Variants in HELZ observed in about 807,000 individuals in gnomAD.
HELZ encodes ATP-dependent RNA helicase with zinc finger domain.
Under a neutral mutation model 218.2 loss-of-function variants are expected in HELZ, and 23 were observed. The ratio of observed to expected loss-of-function variants is 0.11; its 90% CI spans 0.08 to 0.15. The LOEUF (loss-of-function observed/expected upper bound fraction) is 0.15, where lower values mean the gene tolerates loss of function less well. Ranked by LOEUF, HELZ falls within the 10% of genes least tolerant of loss-of-function variation. HELZ has a pLI of 1.00. For missense variants in HELZ, 1,813 were observed against 2,353.7 expected, an observed-to-expected ratio of 0.77 and a Z score of 4.75; for synonymous variants, 814 against 829.4, an observed-to-expected ratio of 0.98 and a Z score of 0.32.
chr17:67,215,315 TA>T (rs756173054), intron 5 of HELZ, among the ~76,000 whole-genome samples: 5 of 151,602 alleles, frequency 3.3e-5, no homozygotes, highest in Non-Finnish European at 7.4e-5. Context: ...TTATGTTTCT[TA>T]AACTTTGGCC....
chr17:67,135,983 T>A lies in HELZ; in HGVS notation c.3169A>T (p.Ile1057Phe), dbSNP rs184561121. Residue 1057 changes from isoleucine (I) to phenylalanine (F), a missense_variant, in exon 23 of 33, where the codon ATT (isoleucine) becomes TTT (phenylalanine). Physicochemically the swap from Ile to Phe is conservative, Grantham distance 21 (BLOSUM62 0). Coordinates refer to ENST00000358691, the MANE Select transcript of HELZ (RefSeq NM_014877.4). ...ACACATAATTACCTGCATCTTCCAA[T>A]AGAGCACAGAGCAATGGGATCACCC... ...VVGDPIALCSIGRCRKFWERF... is the reference protein window; with the variant it reads ...VVGDPIALCSFGRCRKFWERF... 1 of 1,612,786 alleles carries A rather than the reference T, an allele frequency of 6.2e-7. No homozygotes were observed. Among genetic ancestry groups the A allele is most frequent in the Admixed American group, 1.7e-5 (1 of 59,904 alleles).
chr17:67,188,141 T>A lies in HELZ; in HGVS notation c.1162+178A>T. The A allele has an allele frequency of 1.7e-6, 1 of 577,676 alleles. No individual in the cohort carries two copies. Among genetic ancestry groups the A allele is most frequent in the Non-Finnish European group, 2.9e-6 (1 of 342,808 alleles). 35.8% of individuals were successfully genotyped at this position (577,676 alleles called of 1,614,324 possible). A position where few individuals can be genotyped will look rare whatever the true frequency, so the allele number is the denominator to read the frequency against. On this transcript the variant is annotated intron_variant, in intron 12 of 32. Transcript: ENST00000358691. This position sits in a 1 kb window ranked among gnomAD's most constrained non-coding sequence, Gnocchi z 4.1. ...TTTACCTGGTGGCTCTGTGAAGAAA[T>A]CAGGGCACAGTGTGAATCATTATAA...
At position 67,108,355 on chromosome 17, in the gene HELZ, G is replaced by C; in HGVS notation, c.4724+137C>G. 1 of 668,484 alleles carries C rather than the reference G, an allele frequency of 1.5e-6. No individual in the cohort carries two copies. Among genetic ancestry groups the C allele is most frequent in the Non-Finnish European group, 2.7e-6 (1 of 376,016 alleles). The allele number at this position is 668,484 out of a possible 1,614,324, so 41.4% of individuals were successfully genotyped here. A position where few individuals can be genotyped will look rare whatever the true frequency, so the allele number is the denominator to read the frequency against. On this transcript the variant is annotated intron_variant, in intron 30 of 32. Coordinates refer to ENST00000358691, the MANE Select transcript of HELZ (RefSeq NM_014877.4). This position sits in a 1 kb window ranked among gnomAD's most constrained non-coding sequence, Gnocchi z 4.1. ...GTATTTTAGAGTCAACAAGAGAACTGTGTAGCGTGTGCTTGGAAGGCCAGC... is the reference window on the plus strand; with the variant it reads ...GTATTTTAGAGTCAACAAGAGAACTCTGTAGCGTGTGCTTGGAAGGCCAGC...
chr17:67,163,703 A>G (rs1189209442), intron 15 of HELZ, among the ~76,000 whole-genome samples: 1 of 149,544 alleles, frequency 6.7e-6, no homozygotes, highest in Non-Finnish European at 1.5e-5. Flanking sequence ...CACCCAACCT[A>G]TTTATTTCTT....
Position 67,124,132 on chromosome 17 carries a change from T to C in HELZ, c.3388-118A>G, listed in dbSNP as rs148984107. The C allele has an allele frequency of 8.4e-3, 5,541 of 663,148 alleles. 57 individuals are homozygous for C. Among genetic ancestry groups the C allele is most frequent in the Middle Eastern group, 8.0e-3 (19 of 2,380 alleles). The allele number at this position is 663,148 out of a possible 1,614,324, so 41.1% of individuals were successfully genotyped here. A position where few individuals can be genotyped will look rare whatever the true frequency, so the allele number is the denominator to read the frequency against. On this transcript the variant is annotated intron_variant, in intron 24 of 32. Coordinates refer to ENST00000358691, the MANE Select transcript of HELZ (RefSeq NM_014877.4). ...ACATCAATAATTAAAATCTAAAAAC[T>C]GTGAGTCTATAATTAATAACCATTA...
chr17:67,117,612 T>C (rs2037466867), intron 27 of HELZ, among the ~76,000 whole-genome samples: 1 of 150,734 alleles, frequency 6.6e-6, no homozygotes, highest in Non-Finnish European at 1.5e-5. Flanking sequence ...TGCAGTGGTG[T>C]GATCTCGGCT....
intron 32 of HELZ, among the ~76,000 whole-genome samples, chr17:67,082,194 T>C (rs541779838): frequency 6.6e-6 from 1 of 152,350 alleles, no homozygotes; most frequent in African/African-American, 2.4e-5. Flanking sequence ...TTTCTGTTTC[T>C]TGCAATCAGA....
At chr17:67,245,974 CCGGGG>C (rs920018558), upstream of HELZ, 11 of 152,310 alleles carry the variant, frequency 7.2e-5, no homozygotes, top group African/African-American at 2.4e-4. Flanking sequence ...GGCAGGTAAT[CCGGGG>C]CGCCGGCTGC....
intron 1 of HELZ, 132 bp downstream of exon 1, chr17:67,245,016 G>A (rs1028332201): frequency 3.0e-6 from 3 of 985,116 alleles, no homozygotes; most frequent in Non-Finnish European, 3.6e-6. Context: ...GGCCGCCCAG[G>A]CCCCCAGCCT....
intron 21 of HELZ, among the ~76,000 whole-genome samples, chr17:67,143,271 T>C (rs374276751): frequency 2.4e-4 from 37 of 152,234 alleles, no homozygotes; most frequent in African/African-American, 8.9e-4. Context: ...CTTACGGTTA[T>C]TATCCATAGC....
At chr17:67,099,447 T>C (rs567122693) in intron 31 of HELZ, among the ~76,000 whole-genome samples, 49 of 152,326 alleles carry the variant, frequency 3.2e-4, no homozygotes, top group African/African-American at 1.2e-3. Flanking sequence ...ATAAATATGC[T>C]TCATGTTTTA....
chr17:67,234,292 C>CAAA (rs149931184), intron 3 of HELZ, among the ~76,000 whole-genome samples: 3 of 83,212 alleles, frequency 3.6e-5, no homozygotes, highest in South Asian at 4.1e-4. Context: ...CACTGTACTC[C>CAAA]AAAAAAAAAA....
At chr17:67,104,962 TACA>T (rs900996643) in intron 31 of HELZ, among the ~76,000 whole-genome samples, 43 of 151,992 alleles carry the variant, frequency 2.8e-4, no homozygotes, top group African/African-American at 9.9e-4. Context: ...CTACTAAAAA[TACA>T]ACAACAACAA....
intron 3 of HELZ, among the ~76,000 whole-genome samples, chr17:67,237,821 T>C (rs2041223660): frequency 6.6e-6 from 1 of 150,922 alleles, no homozygotes; most frequent in Non-Finnish European, 1.5e-5. Flanking sequence ...AACCCCCATC[T>C]CCAGTAAAAA....
intron 14 of HELZ, among the ~76,000 whole-genome samples, chr17:67,166,838 T>TG (rs1397020623): frequency 6.6e-6 from 1 of 152,182 alleles, no homozygotes; most frequent in East Asian, 1.9e-4. Context: ...ATAGTACCAA[T>TG]GATATATATA....
intron 13 of HELZ, among the ~76,000 whole-genome samples, chr17:67,176,164 G>A (rs2039450629): frequency 6.6e-6 from 1 of 152,138 alleles, no homozygotes; most frequent in African/African-American, 2.4e-5. Flanking sequence ...TCAGCTGTTA[G>A]TCTACCAACC....
At chr17:67,196,804 C>T (rs1235099186) in intron 7 of HELZ, among the ~76,000 whole-genome samples, 1 of 152,108 alleles carries the variant, frequency 6.6e-6, no homozygotes, top group Non-Finnish European at 1.5e-5. Context: ...TTCTTCTTAC[C>T]CAAAGAGAGC....
At chr17:67,224,379 T>C in intron 3 of HELZ, 1 of 205,198 alleles carries the variant, frequency 4.9e-6, no homozygotes. Flanking sequence ...TGACATCACC[T>C]GACCCCTGAA....
chr17:67,081,290 C>T lies in HELZ; in HGVS notation c.5495-2704G>A, dbSNP rs150387777. On this transcript the variant is annotated intron_variant, in intron 32 of 32. Coordinates refer to ENST00000358691, the MANE Select transcript of HELZ (RefSeq NM_014877.4). ...TTTCTATCTTATTTAAGGCACTGTA[C>T]TTTGGGGTCTCTTTGGGACAACAGC... Among the ~76,000 whole-genome samples, 318 of 152,308 alleles carry T rather than the reference C, an allele frequency of 2.1e-3. 1 individual carries two copies. The highest frequency in any genetic ancestry group is 7.3e-3 in the African/African-American group (304 of 41,566).
Sources: allele counts gnomAD v4.1 joint callset (sites outside exome capture counted in the v4.1 genomes callset), GRCh38; gene constraint gnomAD v4.1.1; non-coding constraint Gnocchi (gnomAD v3.1); transcripts MANE v1.5; gene names NCBI Gene and HGNC (gene_info 2026-07-23, HGNC 2026-07-21).